GPHN: variants seen among roughly 807,000 people sequenced by gnomAD.
The protein encoded by GPHN is gephyrin.
In GPHN, 17 loss-of-function variants were observed where a neutral mutation model predicts 95.5. The ratio of observed to expected loss-of-function variants is 0.18; its 90% CI spans 0.12 to 0.27. The LOEUF (loss-of-function observed/expected upper bound fraction) is 0.27. Among genes scored for constraint, GPHN ranks in the 10% least tolerant of loss-of-function variants. The probability of loss-of-function intolerance (pLI) is 1.00; values close to 1 mark genes in which losing one functional copy is unlikely to be tolerated. For synonymous variants in GPHN, 320 were observed against 322.5 expected, an observed-to-expected ratio of 0.99 and a Z score of 0.08; for missense variants, 660 against 978.1, an observed-to-expected ratio of 0.67 and a Z score of 4.34.
At chr14:66,891,143 C>CTT (rs201710928) in intron 5 of GPHN, among the ~76,000 whole-genome samples, 4 of 146,956 alleles carry the variant, frequency 2.7e-5, no homozygotes, top group African/African-American at 7.4e-5. Flanking sequence ...GTAAACCTAT[C>CTT]TTTTTTTTTT....
At chr14:66,571,766 G>T (rs531902037) in intron 1 of GPHN, among the ~76,000 whole-genome samples, 1 of 152,108 alleles carries the variant, frequency 6.6e-6, no homozygotes, top group African/African-American at 2.4e-5. Flanking sequence ...AGCCGAGATC[G>T]TGCCACTGCA....
intron 3 of GPHN, among the ~76,000 whole-genome samples, chr14:66,785,061 A>G (rs1295019222): frequency 1.3e-5 from 2 of 152,190 alleles, no homozygotes; most frequent in Non-Finnish European, 2.9e-5. Context: ...TGTGAACACA[A>G]ATTTTAAAAA....
the GPHN span, among the ~76,000 whole-genome samples, chr14:67,626,119 T>G: frequency 1.3e-5 from 2 of 152,060 alleles, no homozygotes; most frequent in Non-Finnish European, 2.9e-5. Flanking sequence ...CCGGATGTGG[T>G]GGCACACTCC....
At chr14:67,652,105 A>T in the GPHN span, among the ~76,000 whole-genome samples, 3 of 152,146 alleles carry the variant, frequency 2.0e-5, no homozygotes, top group East Asian at 3.8e-4. Context: ...GTTTTGTTTC[A>T]TGCTAGGCCA....
the GPHN span, among the ~76,000 whole-genome samples, chr14:67,352,522 G>A: frequency 1.3e-5 from 2 of 152,146 alleles, no homozygotes; most frequent in Admixed American, 6.5e-5. Context: ...TGTGAGAGAA[G>A]CAAACATGGT....
At chr14:67,251,951 A>C in the GPHN span, among the ~76,000 whole-genome samples, 1 of 152,164 alleles carries the variant, frequency 6.6e-6, no homozygotes, top group Non-Finnish European at 1.5e-5. Flanking sequence ...TGCCCATCTA[A>C]TGAAACTCCT....
chr14:66,660,720 TA>T (rs1446934704), intron 1 of GPHN, among the ~76,000 whole-genome samples: 2 of 152,148 alleles, frequency 1.3e-5, no homozygotes, highest in African/African-American at 2.4e-5. Flanking sequence ...GCAGCACCTT[TA>T]ACTGAAACAT....
Position 67,051,785 on chromosome 14 carries a change from A to G in GPHN, c.1007-6864A>G, listed in dbSNP as rs996600877. 4.6e-5 allele frequency among the ~76,000 whole-genome samples: 7 copies of G among 152,340 alleles called. No homozygotes were observed. In the East Asian group the frequency reaches 1.3e-3, roughly 29 times the overall value. On this transcript the variant is annotated intron_variant, in intron 10 of 22. Coordinates refer to ENST00000478722, the MANE Select transcript of GPHN (RefSeq NM_020806.5). Reference sequence around the variant, plus strand: ...TCTCAGCAGAAACCCTACAAGCCAGAAGAGATTGGGGGCCAATATTCAGTA... The same window carrying G: ...TCTCAGCAGAAACCCTACAAGCCAGGAGAGATTGGGGGCCAATATTCAGTA...
intron 20 of GPHN, among the ~76,000 whole-genome samples, chr14:67,166,096 A>G (rs895728189): frequency 1.3e-5 from 2 of 152,206 alleles, no homozygotes; most frequent in African/African-American, 2.4e-5. Context: ...TAGGTCAAGT[A>G]TATCTCAAAA....
chr14:66,687,579 T>C (rs921947241), intron 2 of GPHN, among the ~76,000 whole-genome samples: 1 of 143,984 alleles, frequency 6.9e-6, no homozygotes, highest in African/African-American at 2.6e-5. Context: ...ACCTCTCGCC[T>C]CCTGGGTTCA....
the GPHN span, chr14:67,333,679 A>T: frequency 3.3e-5 from 5 of 152,548 alleles, no homozygotes; most frequent in African/African-American, 1.2e-4. Context: ...TTTTTAAATT[A>T]TGATTTCCTG....
rs1421689746 is a variant in GPHN at position 67,056,439 on chromosome 14, A to C, written c.1007-2210A>C. ...ACACAGAGTGCTGATTGGTGTGTTT[A>C]TAATCCTTTAGCTAGACACAGAGTG... On this transcript the variant is annotated intron_variant, in intron 10 of 22. Coordinates refer to ENST00000478722, the MANE Select transcript of GPHN (RefSeq NM_020806.5). 3.3e-5 allele frequency among the ~76,000 whole-genome samples: 5 copies of C among 152,306 alleles called. No individual in the cohort carries two copies. In the East Asian group the frequency reaches 9.7e-4, roughly 29 times the overall value.
intron 4 of GPHN, among the ~76,000 whole-genome samples, chr14:66,876,874 A>G (rs1201310567): frequency 6.6e-6 from 1 of 152,178 alleles, no homozygotes; most frequent in Non-Finnish European, 1.5e-5. Flanking sequence ...AAAAAGAGGG[A>G]ATCCTCCTTA....
chr14:67,606,882 G>A, the GPHN span, among the ~76,000 whole-genome samples: 3 of 152,112 alleles, frequency 2.0e-5, no homozygotes, highest in Non-Finnish European at 2.9e-5. Context: ...TCTTGACCTC[G>A]TGATCTGCCC....
the GPHN span, among the ~76,000 whole-genome samples, chr14:67,731,630 GTAAT>G: frequency 2.0e-5 from 3 of 151,818 alleles, no homozygotes; most frequent in Non-Finnish European, 2.9e-5. Context: ...AATATAATAT[GTAAT>G]TAATATAAAA....
chr14:66,927,647 C>A (rs1448699813), intron 8 of GPHN, among the ~76,000 whole-genome samples: 1 of 152,048 alleles, frequency 6.6e-6, no homozygotes, highest in Non-Finnish European at 1.5e-5. Flanking sequence ...TTCAGTTTTT[C>A]CCCATTCAGT....
At chr14:66,792,812 A>G (rs1396857563) in intron 3 of GPHN, among the ~76,000 whole-genome samples, 1 of 152,268 alleles carries the variant, frequency 6.6e-6, no homozygotes, top group East Asian at 1.9e-4. Flanking sequence ...TGAGAGCCTG[A>G]ACAGAGATTT....
the GPHN span, among the ~76,000 whole-genome samples, chr14:67,369,781 A>G: frequency 6.6e-6 from 1 of 152,230 alleles, no homozygotes; most frequent in African/African-American, 2.4e-5. Context: ...ATAAAGATCT[A>G]AAACAGTTAT....
chr14:67,699,496 G>A, the GPHN span, among the ~76,000 whole-genome samples: 1 of 151,176 alleles, frequency 6.6e-6, no homozygotes, highest in Non-Finnish European at 1.5e-5. Context: ...AGGTTCAGGT[G>A]GGAGGATTTC....
Sources: allele counts gnomAD v4.1 joint callset (sites outside exome capture counted in the v4.1 genomes callset), GRCh38; gene constraint gnomAD v4.1.1; transcripts MANE v1.5; gene names NCBI Gene and HGNC (gene_info 2026-07-23, HGNC 2026-07-21).